Variants in ITGB4 observed in about 807,000 individuals in gnomAD.
ITGB4 encodes integrin subunit beta 4.
Under a neutral mutation model 207.6 loss-of-function variants are expected in ITGB4, and 159 were observed. That is an observed-to-expected ratio of 0.77 (90% CI 0.67 to 0.87). ITGB4 has a LOEUF of 0.87. ITGB4 is among the 40% of genes least tolerant of loss of function. The pLI is 0.00. For synonymous variants in ITGB4, 1,020 were observed against 1,062.7 expected (o/e 0.96, Z 0.78); for missense variants, 2,278 against 2,546.8 (o/e 0.89, Z 2.27).
At position 75,727,303 on chromosome 17, in the gene ITGB4, G is replaced by A. The variant is rs373500013; in HGVS notation, c.162+26G>A. 4 of 1,613,204 alleles carry A rather than the reference G, an allele frequency of 2.5e-6. No individual in the cohort carries two copies. Among genetic ancestry groups the A allele is most frequent in the Non-Finnish European group, 3.4e-6 (4 of 1,179,558 alleles). On this transcript the variant is annotated intron_variant, in intron 3 of 39. Transcript: ENST00000200181. The surrounding 1 kb of genome is among the most constrained non-coding windows in gnomAD (Gnocchi z 6.0). ...GTGAGGACCTGGCCCGGGTTGGTGT[G>A]GAACAGGCAAGGGTCGGGAATAGCT... is the stretch of plus-strand genomic sequence containing the variant.
At chr17:75,755,956 T>G in intron 35 of ITGB4, 106 bp downstream of exon 35, 1 of 1,378,300 alleles carries the variant, frequency 7.3e-7, no homozygotes. Flanking sequence ...CCAAGTCCCT[T>G]GAGCGCTAAA....
Position 75,743,867 on chromosome 17 carries a change from G to T in ITGB4, c.3111+6G>T, listed in dbSNP as rs1301913863. Reference sequence around the variant, plus strand: ...GCACCGCGCAGGGCAACCGGGTGAGGCTGCGCCACAGGGTCGAGGGTGCAG... The same window carrying T: ...GCACCGCGCAGGGCAACCGGGTGAGTCTGCGCCACAGGGTCGAGGGTGCAG... On this transcript the variant is annotated splice_donor_region_variant and intron_variant, in intron 26 of 39. Coordinates refer to ENST00000200181, the MANE Select transcript of ITGB4 (RefSeq NM_000213.5). 2 of 1,576,206 alleles carry T rather than the reference G, an allele frequency of 1.3e-6. No homozygotes were observed. Among genetic ancestry groups the T allele is most frequent in the East Asian group, 2.4e-5 (1 of 42,282 alleles).
At chr17:75,737,937 A>G (rs553018405) in intron 18 of ITGB4, among the ~76,000 whole-genome samples, 1 of 147,756 alleles carries the variant, frequency 6.8e-6, no homozygotes, top group African/African-American at 2.5e-5. Flanking sequence ...AGGGTCCCCA[A>G]CCCCCACCAG....
rs114626837 is a variant in ITGB4 at position 75,726,118 on chromosome 17, G to T, written c.80-1077G>T. On this transcript the variant is annotated intron_variant, in intron 2 of 39. Coordinates refer to ENST00000200181, the MANE Select transcript of ITGB4 (RefSeq NM_000213.5). Reference sequence around the variant, plus strand: ...GGTTTGAAATCACAGCTTGTTTCTAGCTGTGCTACCTGGGGCAGATCACAT... The same window carrying T: ...GGTTTGAAATCACAGCTTGTTTCTATCTGTGCTACCTGGGGCAGATCACAT... Among the ~76,000 whole-genome samples the T allele has an allele frequency of 3.4e-3, 518 of 152,354 alleles. 3 individuals carry two copies. The highest frequency in any genetic ancestry group is 0.012 in the African/African-American group (499 of 41,586).
Position 75,739,605 on chromosome 17 carries a change from G to C in ITGB4, c.2221-67G>C, listed in dbSNP as rs1343094703. On this transcript the variant is annotated intron_variant, in intron 18 of 39. Coordinates refer to ENST00000200181, the MANE Select transcript of ITGB4 (RefSeq NM_000213.5). This position sits in a 1 kb window ranked among gnomAD's most constrained non-coding sequence, Gnocchi z 5.4. ...TTGACCATTGGCATGGGGCGGGGTGGCTGGAAGGGCTTACCTGGGCCAGGG... is the reference window on the plus strand; with the variant it reads ...TTGACCATTGGCATGGGGCGGGGTGCCTGGAAGGGCTTACCTGGGCCAGGG... The C allele has an allele frequency of 7.6e-6, 12 of 1,583,642 alleles. No homozygotes were observed. The highest frequency in any genetic ancestry group is 1.0e-5 in the Non-Finnish European group (12 of 1,153,448).
Position 75,730,872 on chromosome 17 carries a change from C to A in ITGB4, c.1003-3C>A. 6.2e-7 allele frequency: 1 copy of A among 1,611,444 alleles called. No homozygotes were observed. The highest frequency in any genetic ancestry group is 8.5e-7 in the Non-Finnish European group (1 of 1,178,556). On this transcript the variant is annotated splice_region_variant and splice_polypyrimidine_tract_variant and intron_variant, in intron 8 of 39. Coordinates refer to ENST00000200181, the MANE Select transcript of ITGB4 (RefSeq NM_000213.5). ...GCCTGAGACCTGGCCTTCTCTCCCGCAGAAGCTTCACACCTATTTCCCTGT... is the reference window on the plus strand; with the variant it reads ...GCCTGAGACCTGGCCTTCTCTCCCGAAGAAGCTTCACACCTATTTCCCTGT...
rs1750738113 is a variant in ITGB4 at position 75,733,592 on chromosome 17, G to T, written c.1557G>T (p.Gln519His). 1 of 1,614,174 alleles carries T rather than the reference G, an allele frequency of 6.2e-7. No individual in the cohort carries two copies. Among genetic ancestry groups the T allele is most frequent in the Non-Finnish European group, 8.5e-7 (1 of 1,180,038 alleles). Residue 519 changes from glutamine (Q) to histidine (H), a missense_variant, in exon 13 of 40, where the codon CAG (glutamine) becomes CAT (histidine). Gln to His is a conservative substitution (Grantham distance 24, BLOSUM62 0). Coordinates refer to ENST00000200181, the MANE Select transcript of ITGB4 (RefSeq NM_000213.5). ...DKPCSGRGEC[Q>H]CGHCVCYGEG... ...CGTGCTCCGGCCGTGGGGAGTGCCA[G>T]TGCGGGCACTGTGTGTGCTACGGCG...
rs1286870754 is a variant in ITGB4, at chr17:75,742,869, T to A, written c.2962+108T>A. 9 of 1,026,542 alleles carry A rather than the reference T, an allele frequency of 8.8e-6. No individual in the cohort carries two copies. The highest frequency in any genetic ancestry group is 4.3e-6 in the Non-Finnish European group (3 of 703,644). The allele number at this position is 1,026,542 out of a possible 1,614,324, so 63.6% of individuals were successfully genotyped here. ...GGCCACGTGGCCTGGGCTAGTCACT[T>A]AACCTCTGCAAGCCTTGGTTTCTCC... On this transcript the variant is annotated intron_variant, in intron 25 of 39. Transcript: ENST00000200181. The surrounding 1 kb of genome is among the most constrained non-coding windows in gnomAD (Gnocchi z 5.9).
chr17:75,743,956 G>A (rs1568369138), intron 26 of ITGB4, 95 bp downstream of exon 26: 1 of 1,347,064 alleles, frequency 7.4e-7, no homozygotes, highest in East Asian at 2.5e-5. Context: ...GCAGCTGCTT[G>A]AGTCCCTGGA....
chr17:75,728,303 C>G, intron 5 of ITGB4, 74 bp from the exon 6 acceptor site: 1 of 1,269,060 alleles, frequency 7.9e-7, no homozygotes, highest in Non-Finnish European at 1.2e-6. Flanking sequence ...TCTGAGCCAG[C>G]CCTTGGTGGG....
chr17:75,730,115 T>C lies in ITGB4; in HGVS notation c.739-126T>C, dbSNP rs1430242705. 8.0e-6 allele frequency: 10 copies of C among 1,248,934 alleles called. No individual in the cohort carries two copies. In the East Asian group the frequency reaches 2.4e-4, roughly 30 times the overall value. 77.4% of individuals were successfully genotyped at this position (1,248,934 alleles called of 1,614,324 possible). On this transcript the variant is annotated intron_variant, in intron 7 of 39. Transcript: ENST00000200181. ...CAGATGCATCTTTCATGAGGGCACT[T>C]GCTGTGAATCCAGTGGCTTAAGCCC...
At chr17:75,726,890 G>A (rs912183334) in intron 2 of ITGB4, among the ~76,000 whole-genome samples, 2 of 152,070 alleles carry the variant, frequency 1.3e-5, no homozygotes, top group East Asian at 1.9e-4. Flanking sequence ...TGGCTAACAC[G>A]GTGAAACCCT....
chr17:75,728,783 G>A (rs2060782949), intron 6 of ITGB4, among the ~76,000 whole-genome samples: 1 of 152,124 alleles, frequency 6.6e-6, no homozygotes, highest in South Asian at 2.1e-4. Flanking sequence ...AGGAGATCGA[G>A]ACCATCCTGG....
chr17:75,723,176 G>A (rs562533522), intron 1 of ITGB4, among the ~76,000 whole-genome samples: 4 of 152,274 alleles, frequency 2.6e-5, no homozygotes, highest in African/African-American at 4.8e-5. Flanking sequence ...AGTGCTGTCC[G>A]CGGGATGGGG....
intron 26 of ITGB4, chr17:75,746,347 C>G (rs2061232186): frequency 6.6e-6 from 1 of 152,084 alleles, no homozygotes; most frequent in African/African-American, 2.4e-5. Flanking sequence ...ATTCTCCTGC[C>G]TCAGCCTCCC....
intron 8 of ITGB4, 91 bp from the exon 9 acceptor site, chr17:75,730,784 T>G (rs529846329): frequency 1.6e-6 from 2 of 1,270,424 alleles, no homozygotes; most frequent in East Asian, 4.6e-5. Context: ...GTTCCAGGCC[T>G]CAGTTTCCCC....
rs1369714947 is a variant in ITGB4, at chr17:75,735,801, G to T, written c.1658-250G>T. Among the ~76,000 whole-genome samples, 3 of 152,194 alleles carry T rather than the reference G, an allele frequency of 2.0e-5. No individual in the cohort carries two copies. In the South Asian group the frequency reaches 6.2e-4, roughly 32 times the overall value. On this transcript the variant is annotated intron_variant, in intron 13 of 39. Coordinates refer to ENST00000200181, the MANE Select transcript of ITGB4 (RefSeq NM_000213.5). Reference sequence around the variant, plus strand: ...ACCCATTAGAGGTTCTTAGCCAGGGGAGCAGGAGCCACATGATTGGATTTG... The same window carrying T: ...ACCCATTAGAGGTTCTTAGCCAGGGTAGCAGGAGCCACATGATTGGATTTG...
rs1281055164 is a variant in ITGB4 at position 75,739,964 on chromosome 17, G to A, written c.2339G>A (p.Arg780His). ...ASDHLDTPML[R>H]SGNLKGRDVV... ...GACCACTTGGACACGCCCATGCTGC[G>A]CAGCGGGAACCTCAAGGGCCGTGAC... The change falls in exon 20 of 40, where the codon CGC becomes CAC. Residue 780 changes from arginine (R) to histidine (H), a missense_variant. Coordinates refer to ENST00000200181, the MANE Select transcript of ITGB4 (RefSeq NM_000213.5). The surrounding 1 kb of genome is among the most constrained non-coding windows in gnomAD (Gnocchi z 5.4). 7 of 1,613,278 alleles carry A rather than the reference G, an allele frequency of 4.3e-6. No individual in the cohort carries two copies. The highest frequency in any genetic ancestry group is 3.4e-6 in the Non-Finnish European group (4 of 1,180,038).
At chr17:75,738,881 G>A (rs1568361481) in intron 18 of ITGB4, among the ~76,000 whole-genome samples, 1 of 152,222 alleles carries the variant, frequency 6.6e-6, no homozygotes, top group Non-Finnish European at 1.5e-5. Context: ...AGAAAGCTGA[G>A]GCAGGAGGAT....
Sources: allele counts gnomAD v4.1 joint callset (sites outside exome capture counted in the v4.1 genomes callset), GRCh38; gene constraint gnomAD v4.1.1; non-coding constraint Gnocchi (gnomAD v3.1); transcripts MANE v1.5; gene names NCBI Gene and HGNC (gene_info 2026-07-23, HGNC 2026-07-21).